Variants in CSMD2 observed in about 807,000 individuals in gnomAD.
CSMD2 encodes the protein CUB and Sushi multiple domains 2.
CSMD2 carries 130 observed loss-of-function variants against 398.5 expected under a neutral mutation model. The observed-to-expected ratio is 0.33, with a 90% confidence interval of 0.28 to 0.38. The LOEUF is 0.38. Among genes scored for constraint, CSMD2 ranks in the 10% least tolerant of loss-of-function variants. CSMD2 has a pLI of 1.00. For synonymous variants in CSMD2, 1,828 were observed against 1,908.5 expected, an observed-to-expected ratio of 0.96 and a Z score of 1.10; for missense variants, 3,829 against 4,764.9, an observed-to-expected ratio of 0.80 and a Z score of 5.78.
chr1:33,830,727 A>C (rs1243112329), intron 6 of CSMD2, among the ~76,000 whole-genome samples: 1 of 152,226 alleles, frequency 6.6e-6, no homozygotes, highest in Non-Finnish European at 1.5e-5. Flanking sequence ...TACAAGAGGA[A>C]ATTCAAACCA....
chr1:34,083,095 AAG>A (rs1362987464), intron 2 of CSMD2, among the ~76,000 whole-genome samples: 3 of 152,044 alleles, frequency 2.0e-5, no homozygotes, highest in East Asian at 1.9e-4. Context: ...AAAAAAAAAA[AAG>A]AAATCAAGGA....
rs139948464 is a variant in CSMD2 at position 33,565,380 on chromosome 1, C to A, written c.8380+2213G>T. 3.0e-3 allele frequency among the ~76,000 whole-genome samples: 453 copies of A among 152,018 alleles called. 5 individuals are homozygous for A. The highest frequency in any genetic ancestry group is 0.01 in the African/African-American group (435 of 41,482). ...AATGATGGGAAAACCTGGGGTTCTG[C>A]AAGACAAAAGAAAAACACGCAAACA... On this transcript the variant is annotated intron_variant, in intron 53 of 70. Coordinates refer to ENST00000373381, the MANE Select transcript of CSMD2 (RefSeq NM_001281956.2).
intron 25 of CSMD2, among the ~76,000 whole-genome samples, chr1:33,674,410 A>C (rs1035462440): frequency 6.6e-6 from 1 of 152,176 alleles, no homozygotes; most frequent in Admixed American, 6.5e-5. Flanking sequence ...GGAGCTAACT[A>C]TCCTAAATAT....
chr1:33,591,137 C>T (rs189047660), intron 44 of CSMD2, among the ~76,000 whole-genome samples: 3 of 151,928 alleles, frequency 2.0e-5, no homozygotes, highest in East Asian at 1.9e-4. Flanking sequence ...TACAGGCATG[C>T]GCCACCACGT....
intron 3 of CSMD2, among the ~76,000 whole-genome samples, chr1:33,986,187 C>T (rs1276942906): frequency 1.3e-5 from 2 of 152,170 alleles, no homozygotes; most frequent in Admixed American, 1.3e-4. Context: ...AATCCCTTCA[C>T]CTTGAAGCTT....
chr1:33,521,416 C>T (rs1654271705), intron 68 of CSMD2, 47 bp downstream of exon 68: 1 of 1,140,242 alleles, frequency 8.8e-7, no homozygotes, highest in Non-Finnish European at 1.3e-6. Flanking sequence ...CACGGTTTCT[C>T]TCCCACCCAC....
At chr1:33,820,110 T>C (rs535660947) in intron 8 of CSMD2, among the ~76,000 whole-genome samples, 1 of 152,298 alleles carries the variant, frequency 6.6e-6, no homozygotes, top group South Asian at 2.1e-4. Context: ...TTAGGGCAGC[T>C]AAGCGTGGGT....
rs1462022909 is a variant in CSMD2, at chr1:34,114,975, G to A, written c.188-25782C>T. 2.0e-5 allele frequency among the ~76,000 whole-genome samples: 3 copies of A among 151,932 alleles called. No homozygotes were observed. In the East Asian group the frequency reaches 5.8e-4, roughly 29 times the overall value. The stretch of plus-strand genomic sequence containing the variant: ...ACTGAATTTAAAATTTTACTGGAGG[G>A]GTTCAATAACAGACTTAAGCAGAAA... On this transcript the variant is annotated intron_variant, in intron 1 of 70. Transcript: ENST00000373381.
chr1:33,677,040 A>G (rs1287810600), intron 25 of CSMD2, among the ~76,000 whole-genome samples: 1 of 152,246 alleles, frequency 6.6e-6, no homozygotes, highest in Non-Finnish European at 1.5e-5. Flanking sequence ...CATGCAGGAC[A>G]TAGGCATGGG....
At chr1:33,694,585 T>A (rs535210099) in intron 24 of CSMD2, among the ~76,000 whole-genome samples, 2 of 152,294 alleles carry the variant, frequency 1.3e-5, no homozygotes, top group Non-Finnish European at 2.9e-5. Flanking sequence ...TGCTGCCTTG[T>A]AAAGAAGGTG....
chr1:33,768,204 T>C lies in CSMD2; in HGVS notation c.1846+4365A>G, dbSNP rs142949137. On this transcript the variant is annotated intron_variant, in intron 13 of 70. Transcript: ENST00000373381. The stretch of plus-strand genomic sequence containing the variant: ...TAGCCTCACTTAAAACACAAATCCA[T>C]AGGATTCTTCATATTTGGAATTTGA... 6.5e-4 allele frequency among the ~76,000 whole-genome samples: 99 copies of C among 152,252 alleles called. 1 individual carries two copies. Among genetic ancestry groups the C allele is most frequent in the African/African-American group, 2.2e-3 (92 of 41,550 alleles).
intron 15 of CSMD2, among the ~76,000 whole-genome samples, chr1:33,737,259 T>C (rs1646914955): frequency 6.6e-6 from 1 of 152,288 alleles, no homozygotes; most frequent in Middle Eastern, 3.4e-3. Context: ...TGAGGAAGAA[T>C]GGCAGATGAG....
chr1:34,147,868 C>T (rs532471617), intron 1 of CSMD2, among the ~76,000 whole-genome samples: 5 of 152,250 alleles, frequency 3.3e-5, no homozygotes, highest in African/African-American at 9.6e-5. Flanking sequence ...CCTTTAGTGT[C>T]AACTTTTCTA....
intron 4 of CSMD2, among the ~76,000 whole-genome samples, chr1:33,934,348 C>G (rs1644401330): frequency 6.6e-6 from 1 of 152,114 alleles, no homozygotes; most frequent in South Asian, 2.1e-4. Flanking sequence ...AATACAAGAG[C>G]CAAAACAATT....
At chr1:33,754,586 G>A (rs182958863) in intron 13 of CSMD2, among the ~76,000 whole-genome samples, 68 of 152,304 alleles carry the variant, frequency 4.5e-4, no homozygotes, top group Admixed American at 2.7e-3. Flanking sequence ...AAATATCTGA[G>A]TTCAATGTAA....
Position 33,830,110 on chromosome 1 carries a change from C to A in CSMD2, c.1034-4336G>T, listed in dbSNP as rs547390598. Reference sequence around the variant, plus strand: ...CAGACAAACAAAAAGACAGCAGTAACCTCTGCAGACTTAAATGCCCCCATC... The same window carrying A: ...CAGACAAACAAAAAGACAGCAGTAAACTCTGCAGACTTAAATGCCCCCATC... On this transcript the variant is annotated intron_variant, in intron 6 of 70. Transcript: ENST00000373381. Among the ~76,000 whole-genome samples the A allele has an allele frequency of 3.1e-3, 473 of 152,344 alleles. 2 individuals are homozygous for A. The highest frequency in any genetic ancestry group is 0.011 in the African/African-American group (459 of 41,578).
intron 1 of CSMD2, among the ~76,000 whole-genome samples, chr1:34,125,160 T>C (rs1265617245): frequency 6.6e-6 from 1 of 152,248 alleles, no homozygotes; most frequent in Non-Finnish European, 1.5e-5. Flanking sequence ...GATGGCTTCC[T>C]GGCAGAGGTA....
At chr1:33,618,017 G>GAC (rs1553156501) in intron 37 of CSMD2, among the ~76,000 whole-genome samples, 14,586 of 151,900 alleles carry the variant, frequency 0.096, 886 homozygotes, top group Non-Finnish European at 0.14. Flanking sequence ...TGTGGGCTAA[G>GAC]ACAGAGAGAC....
intron 6 of CSMD2, among the ~76,000 whole-genome samples, chr1:33,826,326 G>C (rs749012069): frequency 2.6e-4 from 39 of 152,150 alleles, no homozygotes; most frequent in Non-Finnish European, 5.7e-4. Context: ...TTGACTTTGG[G>C]TTTGGCCTTG....
Sources: gnomAD v4.1 joint callset for allele counts (sites outside exome capture counted in the v4.1 genomes callset) on GRCh38, gnomAD v4.1.1 for gene constraint, MANE v1.5 for transcripts, NCBI Gene and HGNC (gene_info 2026-07-23, HGNC 2026-07-21) for gene names.